Variants in CAPN8 observed in about 807,000 individuals in gnomAD.
CAPN8 encodes calpain-8.
A neutral mutation model predicts 80.9 loss-of-function variants in CAPN8; 87 were observed. The observed-to-expected ratio is 1.07, with a 90% CI of 0.90 to 1.28. CAPN8 has a LOEUF of 1.28. Among genes scored for constraint, CAPN8 ranks in the 50% most tolerant of loss-of-function variants. The pLI, the probability that CAPN8 is intolerant of heterozygous loss-of-function variation, is 0.00. For synonymous variants in CAPN8, 299 were observed against 273.8 expected, an observed-to-expected ratio of 1.09 and a Z score of -0.91; for missense variants, 757 against 702.0, an observed-to-expected ratio of 1.08 and a Z score of -0.89.
chr1:223,663,406 C>T (rs1379672022), intron 1 of CAPN8, among the ~76,000 whole-genome samples: 8 of 152,136 alleles, frequency 5.3e-5, no homozygotes, highest in Admixed American at 5.2e-4. Context: ...TTTTCACCAC[C>T]CAGTTGTGAC....
At chr1:223,637,887 G>C (rs530864789) in intron 2 of CAPN8, among the ~76,000 whole-genome samples, 9 of 152,236 alleles carry the variant, frequency 5.9e-5, no homozygotes, top group Admixed American at 6.5e-5. Context: ...TTGACTCCTA[G>C]GATTCTCAGT....
rs71740935 is a variant in CAPN8, at chr1:223,624,713, C to CTAAATAAATAAATAAA, written c.813+1076_813+1091dup. Among the ~76,000 whole-genome samples the CTAAATAAATAAATAAA allele has an allele frequency of 5.2e-3, 737 of 141,864 alleles. 3 individuals carry two copies. The highest frequency in any genetic ancestry group is 0.011 in the Admixed American group (158 of 14,322). The allele number at this position is 141,864 out of a possible 152,430, so 93.1% of individuals were successfully genotyped here. ...TGGGCAATGGAGCAAGACCCTGTCTCTAAATAAATAAATAAATAAATAAAT... is the reference window on the plus strand; with the variant it reads ...TGGGCAATGGAGCAAGACCCTGTCTCTAAATAAATAAATAAATAAATAAATAAATAAATAAATAAAT... On this transcript the variant is annotated intron_variant, in intron 6 of 20. Transcript: ENST00000366872.
intron 6 of CAPN8, among the ~76,000 whole-genome samples, chr1:223,624,839 A>G (rs1404150527): frequency 6.6e-6 from 1 of 152,212 alleles, no homozygotes. Context: ...TCACACCTGT[A>G]ATCCCAGCAC....
chr1:223,630,258 C>T (rs932545006), intron 2 of CAPN8, among the ~76,000 whole-genome samples: 6 of 151,604 alleles, frequency 4.0e-5, no homozygotes, highest in African/African-American at 9.7e-5. Flanking sequence ...CTCTCTCCCT[C>T]TCTTTTTGTC....
At chr1:223,612,599 A>G (rs3922868) in intron 10 of CAPN8, among the ~76,000 whole-genome samples, 92,481 of 151,874 alleles carry the variant, frequency 0.61, 28,382 homozygotes, top group Middle Eastern at 0.63. Flanking sequence ...CTTCAGACCT[A>G]CAGACCTGGT....
In CAPN8 at chr1:223,551,017, C is replaced by A. The variant is rs1284717967; in HGVS notation, c.1642G>T (p.Asp548Tyr). The change falls in exon 15 of 21, where the codon GAT becomes TAT. Residue 548 changes from aspartate to tyrosine, a missense_variant and splice_region_variant. Asp to Tyr is a radical substitution (Grantham distance 160, BLOSUM62 -3). Coordinates refer to ENST00000366872, the MANE Select transcript of CAPN8 (RefSeq NM_001143962.2). Reference sequence around the variant, plus strand: ...AGTGCATTGGCAGTAATCTCAGAATCCTAGAAAGAGGAACCCAAATGCAAA... The same window carrying A: ...AGTGCATTGGCAGTAATCTCAGAATACTAGAAAGAGGAACCCAAATGCAAA... ...RRLFEKLAGKDSEITANALKI... is the reference protein window; with the variant it reads ...RRLFEKLAGKYSEITANALKI... 2 of 718,188 alleles carry A rather than the reference C, an allele frequency of 2.8e-6. No individual in the cohort carries two copies. The highest frequency in any genetic ancestry group is 5.2e-6 in the Non-Finnish European group (2 of 384,996). The allele number at this position is 718,188 out of a possible 1,614,324, so 44.5% of individuals were successfully genotyped here.
At chr1:223,632,715 A>G (rs1657807160) in intron 2 of CAPN8, among the ~76,000 whole-genome samples, 1 of 152,332 alleles carries the variant, frequency 6.6e-6, no homozygotes, top group African/African-American at 2.4e-5. Context: ...AGGCTTTGAC[A>G]TACTAGTTAG....
intron 16 of CAPN8, among the ~76,000 whole-genome samples, chr1:223,547,115 T>G (rs1260135063): frequency 3.3e-5 from 5 of 152,218 alleles, no homozygotes; most frequent in African/African-American, 9.6e-5. Context: ...GATTTCACTG[T>G]GTTCCAGACT....
At position 223,619,589 on chromosome 1, in the gene CAPN8, A is replaced by G. The variant is rs1657318954; in HGVS notation, c.975-136T>C. 6 of 801,222 alleles carry G rather than the reference A, an allele frequency of 7.5e-6. 1 individual carries two copies. The highest frequency in any genetic ancestry group is 3.6e-5 in the South Asian group (2 of 55,552). The allele number at this position is 801,222 out of a possible 1,614,324, so 49.6% of individuals were successfully genotyped here. On this transcript the variant is annotated intron_variant, in intron 8 of 20. Coordinates refer to ENST00000366872, the MANE Select transcript of CAPN8 (RefSeq NM_001143962.2). ...GCTAGCTTGATCTTTCCTACAGCAC[A>G]CTGATACAAACACGCAGAGACAACA...
intron 16 of CAPN8, among the ~76,000 whole-genome samples, chr1:223,547,963 G>GC (rs1656669397): frequency 6.6e-6 from 1 of 152,160 alleles, no homozygotes; most frequent in Admixed American, 6.5e-5. Flanking sequence ...GGGCTAAAGA[G>GC]CCCCAGCCTC....
In CAPN8 at chr1:223,608,962, T is replaced by C. The variant is rs1169806697; in HGVS notation, c.1535+191A>G. On this transcript the variant is annotated intron_variant, in intron 12 of 20. Coordinates refer to ENST00000366872, the MANE Select transcript of CAPN8 (RefSeq NM_001143962.2). ...GCTGGTCTGGTTCTCTTTCTCTCCG[T>C]GACCTATAGAGCAAGGTGGAGGGGT... Among the ~76,000 whole-genome samples the C allele has an allele frequency of 3.4e-5, 5 of 148,878 alleles. No homozygotes were observed. In the Admixed American group the frequency reaches 3.4e-4, roughly 10 times the overall value.
chr1:223,617,352 G>C (rs1481130723), intron 9 of CAPN8: 1 of 108,000 alleles, frequency 9.3e-6, no homozygotes, highest in Non-Finnish European at 1.9e-5. Flanking sequence ...GTTTGTTTTA[G>C]GGCTCAAGTT....
At chr1:223,639,705 T>C (rs1657997950) in intron 2 of CAPN8, among the ~76,000 whole-genome samples, 1 of 152,288 alleles carries the variant, frequency 6.6e-6, no homozygotes, top group Non-Finnish European at 1.5e-5. Context: ...AATCCTTCTT[T>C]GCTCAAATAA....
chr1:223,620,936 T>C (rs1657370420), intron 7 of CAPN8, among the ~76,000 whole-genome samples: 2 of 149,718 alleles, frequency 1.3e-5, no homozygotes, highest in African/African-American at 2.5e-5. Flanking sequence ...ATGTGACATC[T>C]AAGTAACAGA....
chr1:223,556,826 C>T (rs1482787462), intron 13 of CAPN8, among the ~76,000 whole-genome samples: 3 of 152,222 alleles, frequency 2.0e-5, no homozygotes, highest in East Asian at 1.9e-4. Flanking sequence ...TCTACACTGG[C>T]AAACCGCAGC....
intron 1 of CAPN8, among the ~76,000 whole-genome samples, chr1:223,661,078 A>G (rs2102741078): frequency 6.6e-6 from 1 of 152,166 alleles, no homozygotes; most frequent in African/African-American, 2.4e-5. Context: ...GGACACGAGA[A>G]TCACTTGATT....
At chr1:223,648,267 C>G (rs1435526764) in intron 2 of CAPN8, among the ~76,000 whole-genome samples, 1 of 152,194 alleles carries the variant, frequency 6.6e-6, no homozygotes, top group Non-Finnish European at 1.5e-5. Flanking sequence ...TGAACTTCCC[C>G]CGAATCACGG....
chr1:223,646,269 G>A (rs35032576), intron 2 of CAPN8, among the ~76,000 whole-genome samples: 58,064 of 152,154 alleles, frequency 0.38, 12,419 homozygotes, highest in Non-Finnish European at 0.49. Context: ...CCTTTCTCTC[G>A]TGAGTAGGTG....
Position 223,551,008 on chromosome 1 carries a change from T to A in CAPN8, c.1651A>T (p.Ile551Phe). 2 of 718,270 alleles carry A rather than the reference T, an allele frequency of 2.8e-6. No homozygotes were observed. Among genetic ancestry groups the A allele is most frequent in the Non-Finnish European group, 5.2e-6 (2 of 385,010 alleles). 44.5% of individuals were successfully genotyped at this position (718,270 alleles called of 1,614,324 possible). A position where few individuals can be genotyped will look rare whatever the true frequency, so the allele number is the denominator to read the frequency against. The change falls in exon 15 of 21, where the codon ATT becomes TTT. Residue 551 changes from isoleucine (I) to phenylalanine (F), a missense_variant. Physicochemically the swap from Ile to Phe is conservative, Grantham distance 21. Transcript: ENST00000366872. ...AGTATCTTGAGTGCATTGGCAGTAA[T>A]CTCAGAATCCTAGAAAGAGGAACCC... is the stretch of plus-strand genomic sequence containing the variant. Reference protein sequence around the residue: ...FEKLAGKDSEITANALKILLN... With the variant: ...FEKLAGKDSEFTANALKILLN...
Sources: gnomAD v4.1 joint callset for allele counts (sites outside exome capture counted in the v4.1 genomes callset) on GRCh38, gnomAD v4.1.1 for gene constraint, MANE v1.5 for transcripts, NCBI Gene and HGNC (gene_info 2026-07-23, HGNC 2026-07-21) for gene names.